Variants in FKTN observed in about 807,000 individuals in gnomAD.
FKTN encodes the protein ribitol-5-phosphate transferase FKTN.
A neutral mutation model predicts 58.6 loss-of-function variants in FKTN; 47 were observed. The observed-to-expected ratio is 0.80, with a 90% CI of 0.63 to 1.02. The LOEUF (loss-of-function observed/expected upper bound fraction) is 1.02, where lower values mean the gene tolerates loss of function less well. Among genes scored for constraint, FKTN ranks in the 50% least tolerant of loss-of-function variants. The pLI is 0.00. For synonymous variants in FKTN, 178 were observed against 191.9 expected (o/e 0.93, Z 0.60); for missense variants, 516 against 537.3 (o/e 0.96, Z 0.39).
At chr9:105,594,622 T>C (rs1297464182) in intron 3 of FKTN, among the ~76,000 whole-genome samples, 1 of 152,202 alleles carries the variant, frequency 6.6e-6, no homozygotes, top group Non-Finnish European at 1.5e-5. Flanking sequence ...TGCATGCCTC[T>C]ATAGTTTCAG....
In FKTN at chr9:105,630,279, C is replaced by G. The variant is rs558568909; in HGVS notation, c.1173-4772C>G. ...CTGTGTTACATTAACTCTCTCAAAA[C>G]AAAATGCGGTAGATAACTAGGTCAA... On this transcript the variant is annotated intron_variant, in intron 10 of 10. Coordinates refer to ENST00000357998, the MANE Select transcript of FKTN (RefSeq NM_001079802.2). Among the ~76,000 whole-genome samples, 20 of 152,184 alleles carry G rather than the reference C, an allele frequency of 1.3e-4. No individual in the cohort carries two copies. In the South Asian group the frequency reaches 4.0e-3, roughly 30 times the overall value.
chr9:105,624,783 T>C (rs140883486), intron 10 of FKTN, among the ~76,000 whole-genome samples: 188 of 152,314 alleles, frequency 1.2e-3, no homozygotes, highest in African/African-American at 4.3e-3. Context: ...TGTCTTGTTA[T>C]AGGTGTTTGT....
rs145387221 is a variant in FKTN at position 105,575,057 on chromosome 9, G to T, written c.25G>T (p.Val9Phe). ...AATGAGTAGAATCAATAAGAACGTG[G>T]TTTTGGCCCTTTTAACGCTGACAAG... MSRINKNVVLALLTLTSSA... is the reference protein window; with the variant it reads MSRINKNVFLALLTLTSSA... The change falls in exon 3 of 11, where the codon GTT becomes TTT. Residue 9 changes from valine (V) to phenylalanine (F), a missense_variant. Physicochemically the swap from Val to Phe is conservative, Grantham distance 50. Transcript: ENST00000357998. 80 of 1,608,538 alleles carry T rather than the reference G, an allele frequency of 5.0e-5. No individual in the cohort carries two copies. In the African/African-American group the frequency reaches 1.0e-3, roughly 20 times the overall value.
chr9:105,561,546 A>G (rs2131653396), intron 1 of FKTN, among the ~76,000 whole-genome samples: 1 of 152,288 alleles, frequency 6.6e-6, no homozygotes, highest in South Asian at 2.1e-4. Context: ...TCTTATCTAT[A>G]TCTTTCATTT....
chr9:105,619,499 T>C (rs981506269), intron 9 of FKTN, among the ~76,000 whole-genome samples: 2 of 152,252 alleles, frequency 1.3e-5, no homozygotes, highest in African/African-American at 4.8e-5. Flanking sequence ...TATTTATGTA[T>C]GTGGCTATGA....
Position 105,621,902 on chromosome 9 carries a change from C to T in FKTN, c.1172+1841C>T, listed in dbSNP as rs1363985053. On this transcript the variant is annotated intron_variant, in intron 10 of 10. Transcript: ENST00000357998. Reference sequence around the variant, plus strand: ...CTATCTCTGTCCATATGTCTTTATGCACACGTGTGAAACCCTGTGCAGGAT... The same window carrying T: ...CTATCTCTGTCCATATGTCTTTATGTACACGTGTGAAACCCTGTGCAGGAT... Among the ~76,000 whole-genome samples the T allele has an allele frequency of 2.0e-5, 3 of 152,040 alleles. No individual in the cohort carries two copies. In the East Asian group the frequency reaches 5.8e-4, roughly 29 times the overall value.
chr9:105,565,173 G>A (rs62399036), intron 1 of FKTN, among the ~76,000 whole-genome samples: 3 of 152,124 alleles, frequency 2.0e-5, no homozygotes, highest in Admixed American at 6.5e-5. Context: ...AGGAACAGCC[G>A]ATACCAGCCT....
chr9:105,563,717 C>A (rs1241181584), intron 1 of FKTN, among the ~76,000 whole-genome samples: 1 of 152,184 alleles, frequency 6.6e-6, no homozygotes, highest in Non-Finnish European at 1.5e-5. Flanking sequence ...GTAGACTTCA[C>A]CTCTGGGGGC....
intron 10 of FKTN, among the ~76,000 whole-genome samples, chr9:105,628,596 C>T (rs1317928539): frequency 6.6e-6 from 1 of 152,108 alleles, no homozygotes; most frequent in Non-Finnish European, 1.5e-5. Flanking sequence ...AGCATATTTT[C>T]AGTAAAAGAC....
chr9:105,574,622 T>G (rs769111048), intron 2 of FKTN, among the ~76,000 whole-genome samples: 6 of 152,094 alleles, frequency 3.9e-5, no homozygotes, highest in Non-Finnish European at 8.8e-5. Context: ...TGGGAACTTG[T>G]CAGAAATGAA....
intron 6 of FKTN, among the ~76,000 whole-genome samples, chr9:105,604,942 C>G (rs1828603877): frequency 7.0e-6 from 1 of 141,856 alleles, no homozygotes; most frequent in Non-Finnish European, 1.5e-5. Context: ...GGCAACAGAG[C>G]AGGACTTTGT....
At position 105,566,915 on chromosome 9, in the gene FKTN, A is replaced by G. The variant is rs528347898; in HGVS notation, c.-180-6740A>G. On this transcript the variant is annotated intron_variant, in intron 1 of 10. Transcript: ENST00000357998. Reference sequence around the variant, plus strand: ...TCCTCAATAAAATACTGGCAAACCGAGTCCAGAAGCACATCAAAAAGCTTA... The same window carrying G: ...TCCTCAATAAAATACTGGCAAACCGGGTCCAGAAGCACATCAAAAAGCTTA... 2.0e-5 allele frequency among the ~76,000 whole-genome samples: 3 copies of G among 152,364 alleles called. No individual in the cohort carries two copies. The East Asian group carries it at 5.8e-4, about 29-fold the overall frequency.
At chr9:105,565,748 A>C (rs976414983) in intron 1 of FKTN, among the ~76,000 whole-genome samples, 5 of 152,204 alleles carry the variant, frequency 3.3e-5, no homozygotes, top group African/African-American at 1.2e-4. Context: ...AACGAGACAG[A>C]AAGTTAACAA....
chr9:105,589,308 G>A (rs992505841), intron 3 of FKTN, among the ~76,000 whole-genome samples: 1 of 152,086 alleles, frequency 6.6e-6, no homozygotes, highest in Non-Finnish European at 1.5e-5. Flanking sequence ...GACCAGCCTG[G>A]CTAACATGGT....
At chr9:105,623,231 A>G (rs894943684) in intron 10 of FKTN, 2 of 152,146 alleles carry the variant, frequency 1.3e-5, no homozygotes, top group African/African-American at 4.8e-5. Flanking sequence ...GGTAATAATA[A>G]TAGTTAACTT....
In FKTN at chr9:105,575,077, G is replaced by A; in HGVS notation, c.45G>A (p.Leu15=). Residue 15 remains leucine, a synonymous_variant, in exon 3 of 11, where the codon CTG becomes CTA. Transcript: ENST00000357998. The stretch of plus-strand genomic sequence containing the variant: ...ACGTGGTTTTGGCCCTTTTAACGCT[G>A]ACAAGTTCTGCATTTCTGCTGTTTC... The part of the protein sequence containing the change: ...NKNVVLALLT[L]TSSAFLLFQL... 1 of 1,612,454 alleles carries A rather than the reference G, an allele frequency of 6.2e-7. No individual in the cohort carries two copies. The highest frequency in any genetic ancestry group is 8.5e-7 in the Non-Finnish European group (1 of 1,178,606).
chr9:105,605,851 A>G (rs993913003), intron 6 of FKTN, among the ~76,000 whole-genome samples: 8 of 152,186 alleles, frequency 5.3e-5, no homozygotes, highest in Middle Eastern at 3.2e-3. Context: ...AGGTGACTAT[A>G]GTAAAAAATA....
intron 3 of FKTN, among the ~76,000 whole-genome samples, chr9:105,587,980 T>G (rs1310860555): frequency 6.6e-6 from 1 of 152,176 alleles, no homozygotes; most frequent in Non-Finnish European, 1.5e-5. Flanking sequence ...TTCTGATCCT[T>G]AGGTTTGCAA....
intron 1 of FKTN, 82 bp downstream of exon 1, chr9:105,558,247 T>C (rs1238615358): frequency 6.6e-6 from 1 of 152,324 alleles, no homozygotes; most frequent in Non-Finnish European, 1.5e-5. Flanking sequence ...CGGGTGCCCT[T>C]ACCGGGCATC....
Sources: allele counts gnomAD v4.1 joint callset (sites outside exome capture counted in the v4.1 genomes callset), GRCh38; gene constraint gnomAD v4.1.1; transcripts MANE v1.5; gene names NCBI Gene and HGNC (gene_info 2026-07-23, HGNC 2026-07-21).